MPPED2: variants seen among roughly 807,000 people sequenced by gnomAD.
MPPED2 encodes the protein metallophosphoesterase domain containing 2, also known as metallophosphoesterase MPPED2.
Under a neutral mutation model 33.0 loss-of-function variants are expected in MPPED2, and 5 were observed. That is an observed-to-expected ratio of 0.15 (90% CI 0.08 to 0.32). The LOEUF (loss-of-function observed/expected upper bound fraction) is 0.32. Among genes scored for constraint, MPPED2 ranks in the 10% least tolerant of loss-of-function variants. MPPED2 has a pLI of 1.00. For synonymous variants in MPPED2, 136 were observed against 141.9 expected, an observed-to-expected ratio of 0.96 and a Z score of 0.29; for missense variants, 275 against 372.1, an observed-to-expected ratio of 0.74 and a Z score of 2.15.
chr11:30,496,681 A>G (rs1455036732), intron 3 of MPPED2, among the ~76,000 whole-genome samples: 1 of 105,602 alleles, frequency 9.5e-6, no homozygotes, highest in Non-Finnish European at 1.7e-5. Context: ...TTCATTAAGG[A>G]AACTTAGTGG....
At chr11:30,482,462 G>A (rs1951531501) in intron 4 of MPPED2, among the ~76,000 whole-genome samples, 1 of 152,144 alleles carries the variant, frequency 6.6e-6, no homozygotes. Context: ...GTGGTTAACT[G>A]AGGAAAGTTT....
In MPPED2 at chr11:30,490,298, A is replaced by C. The variant is rs185204834; in HGVS notation, c.536+4998T>G. ...TATGAGGCTGACCCACCTGCCTGAC[A>C]ACAAAAAACCTTCTTCTTCTGCACT... On this transcript the variant is annotated intron_variant, in intron 4 of 6. Coordinates refer to ENST00000358117, the MANE Select transcript of MPPED2 (RefSeq NM_001584.3). Among the ~76,000 whole-genome samples, 62 of 152,330 alleles carry C rather than the reference A, an allele frequency of 4.1e-4. 1 individual carries two copies. The highest frequency in any genetic ancestry group is 2.9e-5 in the Non-Finnish European group (2 of 68,038).
At chr11:30,481,345 G>A (rs1247899131) in intron 4 of MPPED2, among the ~76,000 whole-genome samples, 1 of 151,982 alleles carries the variant, frequency 6.6e-6, no homozygotes, top group African/African-American at 2.4e-5. Context: ...GCATTTTCCT[G>A]TTGTCTTTTC....
intron 4 of MPPED2, among the ~76,000 whole-genome samples, chr11:30,426,363 A>G (rs78454842): frequency 0.027 from 4,102 of 151,566 alleles, 94 homozygotes; most frequent in Admixed American, 0.064. Context: ...GCTGAATGAT[A>G]TGCCATTGTG....
At chr11:30,543,792 CTTTTTTTTTTT>C (rs35206591) in intron 2 of MPPED2, among the ~76,000 whole-genome samples, 1 of 106,630 alleles carries the variant, frequency 9.4e-6, no homozygotes, top group East Asian at 3.5e-4. Flanking sequence ...TGGCGTTGTT[CTTTTTTTTTTT>C]TTTTTTTTTT....
At chr11:30,448,301 A>G (rs1590309993) in intron 4 of MPPED2, among the ~76,000 whole-genome samples, 1 of 152,212 alleles carries the variant, frequency 6.6e-6, no homozygotes, top group African/African-American at 2.4e-5. Context: ...AGCAAAGTCA[A>G]CCAGCCAAGA....
At chr11:30,415,182 G>A (rs1232461983) in intron 5 of MPPED2, among the ~76,000 whole-genome samples, 1 of 152,150 alleles carries the variant, frequency 6.6e-6, no homozygotes, top group Non-Finnish European at 1.5e-5. Flanking sequence ...GGGCAGTAAG[G>A]AACAGCTTTC....
intron 4 of MPPED2, among the ~76,000 whole-genome samples, chr11:30,421,204 T>G (rs1251090320): frequency 4.6e-5 from 7 of 152,118 alleles, no homozygotes; most frequent in Non-Finnish European, 7.4e-5. Flanking sequence ...GGGCTTAAAT[T>G]TTTCAGTCTT....
At chr11:30,494,284 GA>G (rs1259799583) in intron 4 of MPPED2, among the ~76,000 whole-genome samples, 1 of 152,152 alleles carries the variant, frequency 6.6e-6, no homozygotes, top group Non-Finnish European at 1.5e-5. Context: ...GGAATGTTCA[GA>G]GCAGCTGAAT....
intron 2 of MPPED2, among the ~76,000 whole-genome samples, chr11:30,537,914 C>T (rs190895287): frequency 3.6e-4 from 55 of 151,976 alleles, no homozygotes; most frequent in African/African-American, 1.3e-3. Context: ...TGATGTCTTC[C>T]TTTCCATCAC....
chr11:30,433,093 A>G (rs1252674057), intron 4 of MPPED2, among the ~76,000 whole-genome samples: 1 of 152,222 alleles, frequency 6.6e-6, no homozygotes, highest in Non-Finnish European at 1.5e-5. Flanking sequence ...AGGTGAACCA[A>G]GGTTTCCTGG....
chr11:30,574,148 C>T (rs1956821539), intron 2 of MPPED2, among the ~76,000 whole-genome samples: 1 of 152,176 alleles, frequency 6.6e-6, no homozygotes, highest in Admixed American at 6.5e-5. Flanking sequence ...CATTTACTCA[C>T]CGCTGACTCA....
intron 4 of MPPED2, among the ~76,000 whole-genome samples, chr11:30,454,244 T>G (rs774827527): frequency 1.5e-4 from 23 of 152,204 alleles, no homozygotes; most frequent in Non-Finnish European, 3.1e-4. Context: ...AATCTAAGCC[T>G]CATTTAACTA....
chr11:30,490,193 A>T (rs538501669), intron 4 of MPPED2, among the ~76,000 whole-genome samples: 5 of 152,210 alleles, frequency 3.3e-5, no homozygotes, highest in Non-Finnish European at 7.3e-5. Flanking sequence ...TCACAAAGAC[A>T]AAATTGGGCA....
In MPPED2 at chr11:30,563,107, T is replaced by C. The variant is rs949608075; in HGVS notation, c.128+17139A>G. On this transcript the variant is annotated intron_variant, in intron 2 of 6. Coordinates refer to ENST00000358117, the MANE Select transcript of MPPED2 (RefSeq NM_001584.3). ...CCATGCTACTTCTAATAAATACTTATTGATTTACTGTAACATTTTCAATGA... is the reference window on the plus strand; with the variant it reads ...CCATGCTACTTCTAATAAATACTTACTGATTTACTGTAACATTTTCAATGA... Among the ~76,000 whole-genome samples, 6 of 152,090 alleles carry C rather than the reference T, an allele frequency of 3.9e-5. No individual in the cohort carries two copies. The East Asian group carries it at 7.7e-4, about 20-fold the overall frequency.
At chr11:30,495,617 T>A in intron 3 of MPPED2, 96 bp from the exon 4 acceptor site, 4 of 837,880 alleles carry the variant, frequency 4.8e-6, no homozygotes, top group Non-Finnish European at 7.7e-6. Context: ...CTCACCCAAA[T>A]GAAATAGCTC....
intron 4 of MPPED2, among the ~76,000 whole-genome samples, chr11:30,422,231 G>A (rs997202556): frequency 8.5e-5 from 13 of 152,146 alleles, no homozygotes; most frequent in African/African-American, 2.4e-5. Flanking sequence ...TGCAAAGGTG[G>A]GGACTGGGAA....
intron 3 of MPPED2, among the ~76,000 whole-genome samples, chr11:30,505,714 T>G (rs1179068914): frequency 6.6e-6 from 1 of 152,170 alleles, no homozygotes; most frequent in African/African-American, 2.4e-5. Flanking sequence ...CAAGAAAAAT[T>G]GGTAAAGACA....
intron 4 of MPPED2, among the ~76,000 whole-genome samples, chr11:30,492,492 G>C (rs1242268192): frequency 6.6e-6 from 1 of 151,966 alleles, no homozygotes; most frequent in East Asian, 1.9e-4. Flanking sequence ...TGCATGTAGA[G>C]CACCTCTGCC....
Sources: allele counts gnomAD v4.1 joint callset (sites outside exome capture counted in the v4.1 genomes callset), GRCh38; gene constraint gnomAD v4.1.1; transcripts MANE v1.5; gene names NCBI Gene and HGNC (gene_info 2026-07-23, HGNC 2026-07-21).